Variants in TOX2 observed in about 807,000 individuals in gnomAD.
TOX2 encodes the protein TOX high mobility group box family member 2.
Under a neutral mutation model 47.4 loss-of-function variants are expected in TOX2, and 15 were observed. The observed-to-expected ratio is 0.32, with a 90% CI of 0.21 to 0.49. The LOEUF (loss-of-function observed/expected upper bound fraction) is 0.49. Ranked by LOEUF, TOX2 falls within the 20% of genes least tolerant of loss-of-function variation. The pLI, the probability that TOX2 is intolerant of heterozygous loss-of-function variation, is 0.99. For synonymous variants in TOX2, 290 were observed against 296.6 expected (o/e 0.98, Z 0.23); for missense variants, 622 against 673.1 (o/e 0.92, Z 0.84).
intron 3 of TOX2, among the ~76,000 whole-genome samples, chr20:44,048,826 T>G (rs2071459910): frequency 1.3e-5 from 2 of 152,162 alleles, no homozygotes; most frequent in Non-Finnish European, 2.9e-5. Context: ...TTGTCTGTCT[T>G]CTTTTTGTAA....
chr20:43,978,962 A>G (rs1338006683), intron 2 of TOX2, among the ~76,000 whole-genome samples: 3 of 152,162 alleles, frequency 2.0e-5, no homozygotes, highest in Non-Finnish European at 4.4e-5. Context: ...AAGTAGATGC[A>G]TTGGAGATAA....
At chr20:44,024,481 ATTG>A (rs1447423114) in intron 3 of TOX2, among the ~76,000 whole-genome samples, 2 of 151,618 alleles carry the variant, frequency 1.3e-5, no homozygotes, top group African/African-American at 4.8e-5. Context: ...ATTTACTTTT[ATTG>A]TTTATTGTTT....
intron 3 of TOX2, among the ~76,000 whole-genome samples, chr20:44,046,255 A>C (rs1011344065): frequency 2.6e-5 from 4 of 152,204 alleles, no homozygotes; most frequent in Admixed American, 2.6e-4. Context: ...GAGCAAGGAG[A>C]AGCCACAGTA....
chr20:44,022,025 T>A (rs1043186948), intron 3 of TOX2, among the ~76,000 whole-genome samples: 1 of 152,332 alleles, frequency 6.6e-6, no homozygotes, highest in East Asian at 1.9e-4. Flanking sequence ...GCAGGCTCAC[T>A]TTGCCCTTAG....
chr20:44,000,053 G>A (rs1002128911), intron 2 of TOX2, among the ~76,000 whole-genome samples: 3 of 152,216 alleles, frequency 2.0e-5, no homozygotes, highest in Non-Finnish European at 4.4e-5. Context: ...AAACGTGCCT[G>A]GAGTAGCTGG....
intron 5 of TOX2, among the ~76,000 whole-genome samples, chr20:44,057,056 G>GC (rs1464952416): frequency 2.6e-5 from 4 of 152,262 alleles, no homozygotes; most frequent in Non-Finnish European, 5.9e-5. Context: ...CTACAGGCGT[G>GC]CCATGCATCA....
intron 3 of TOX2, among the ~76,000 whole-genome samples, chr20:44,036,403 G>A (rs4630825): frequency 0.75 from 114,142 of 152,154 alleles, 42,963 homozygotes; most frequent in Middle Eastern, 0.81. Flanking sequence ...TGCCGCCTAC[G>A]GCCAAATGAC....
intron 4 of TOX2, among the ~76,000 whole-genome samples, chr20:44,053,499 G>GACATATATATACTATATATAC (rs1277804265): frequency 6.4e-5 from 9 of 140,338 alleles, no homozygotes; most frequent in African/African-American, 2.5e-4. Flanking sequence ...TATATATACA[G>GACATATATATACTATATATAC]ACATATATAT....
intron 2 of TOX2, among the ~76,000 whole-genome samples, chr20:44,006,262 G>C (rs532205830): frequency 6.6e-6 from 1 of 152,166 alleles, no homozygotes; most frequent in African/African-American, 2.4e-5. Context: ...GGCCAGATCT[G>C]GTGGGAAACC....
intron 3 of TOX2, among the ~76,000 whole-genome samples, chr20:44,007,992 G>A (rs1324051915): frequency 6.6e-6 from 1 of 152,126 alleles, no homozygotes; most frequent in African/African-American, 2.4e-5. Context: ...CCAGAGAAGA[G>A]GGTGATTACT....
intron 1 of TOX2, among the ~76,000 whole-genome samples, chr20:43,934,570 G>T (rs2069299455): frequency 6.6e-6 from 1 of 152,038 alleles, no homozygotes; most frequent in South Asian, 2.1e-4. Context: ...GGGAATTACT[G>T]CAGACCTGAC....
chr20:44,043,302 TG>T (rs1283242607), intron 3 of TOX2, among the ~76,000 whole-genome samples: 1 of 152,198 alleles, frequency 6.6e-6, no homozygotes, highest in African/African-American at 2.4e-5. Context: ...GAGCCCATAT[TG>T]TTGTTGCTGC....
chr20:43,998,765 A>C (rs541013083), intron 2 of TOX2, among the ~76,000 whole-genome samples: 1 of 151,216 alleles, frequency 6.6e-6, no homozygotes. Flanking sequence ...CTATCTATCT[A>C]TCTATTTATT....
intron 1 of TOX2, among the ~76,000 whole-genome samples, chr20:43,934,730 C>T (rs1020394737): frequency 1.1e-4 from 17 of 151,810 alleles, no homozygotes; most frequent in Non-Finnish European, 2.4e-4. Flanking sequence ...CTCTTCCCAT[C>T]CCAACTCTGA....
At chr20:43,973,086 A>G (rs1483739220) in intron 1 of TOX2, among the ~76,000 whole-genome samples, 3 of 152,248 alleles carry the variant, frequency 2.0e-5, no homozygotes, top group African/African-American at 7.2e-5. Context: ...TGTTGTGTCT[A>G]TGGACAAGTT....
rs1319124532 is a variant in TOX2, at chr20:44,068,652, T to C, written c.1487T>C (p.Leu496Pro). ...SGECGISTCS[L>P]LPRDKSLYLT ...ACAGCCCCTCCTCTCTCTCACAGCC[T>C]GCTCCCCAGGGACAAATCGCTCTAC... Residue 496 changes from leucine to proline, a missense_variant and splice_region_variant, in exon 9 of 9, where the codon CTG (leucine) becomes CCG (proline). Physicochemically the swap from Leu to Pro is moderately conservative, Grantham distance 98 (BLOSUM62 -3). Around this residue, in one of 3 missense-constraint regions of TOX2, gnomAD observed 294 missense variants for 300.0 expected, o/e 0.98. Transcript: ENST00000341197. 3 of 1,612,426 alleles carry C rather than the reference T, an allele frequency of 1.9e-6. 1 individual carries two copies. The South Asian group carries it at 3.3e-5, about 18-fold the overall frequency.
At chr20:44,050,786 A>G (rs1486479904) in intron 3 of TOX2, among the ~76,000 whole-genome samples, 1 of 152,152 alleles carries the variant, frequency 6.6e-6, no homozygotes, top group East Asian at 1.9e-4. Context: ...GAACCCTAGA[A>G]TGTAGGTTTG....
intron 3 of TOX2, among the ~76,000 whole-genome samples, chr20:44,036,748 G>A (rs1341723355): frequency 6.6e-6 from 1 of 152,222 alleles, no homozygotes; most frequent in East Asian, 1.9e-4. Flanking sequence ...GTTGAGTAGT[G>A]ATTAGAGACC....
intron 5 of TOX2, among the ~76,000 whole-genome samples, chr20:44,054,758 C>T (rs2071588922): frequency 6.6e-6 from 1 of 152,098 alleles, no homozygotes; most frequent in African/African-American, 2.4e-5. Flanking sequence ...CTTCCCGCAA[C>T]TTAACCATTC....
Sources: gnomAD v4.1 joint callset for allele counts (sites outside exome capture counted in the v4.1 genomes callset) on GRCh38, gnomAD v4.1.1 for gene constraint, gnomAD v4.1.1 regional missense constraint, MANE v1.5 for transcripts, NCBI Gene and HGNC (gene_info 2026-07-23, HGNC 2026-07-21) for gene names.